AGBL1: variants seen among roughly 807,000 people sequenced by gnomAD.
AGBL1 encodes AGBL carboxypeptidase 1, also known as cytosolic carboxypeptidase 4.
Under a neutral mutation model 118.9 loss-of-function variants are expected in AGBL1, and 130 were observed. The ratio of observed to expected loss-of-function variants is 1.09; its 90% CI spans 0.95 to 1.26. AGBL1 has a LOEUF of 1.26. Among genes scored for constraint, AGBL1 ranks in the 50% most tolerant of loss-of-function variants. The pLI is 0.00. For missense variants in AGBL1, 1,584 were observed against 1,298.1 expected, an observed-to-expected ratio of 1.22 and a Z score of -3.38; for synonymous variants, 555 against 478.9, an observed-to-expected ratio of 1.16 and a Z score of -2.08.
intron 24 of AGBL1, among the ~76,000 whole-genome samples, chr15:87,020,802 G>GACTT (rs1336555602): frequency 1.3e-5 from 2 of 152,024 alleles, no homozygotes; most frequent in African/African-American, 4.8e-5. Context: ...GGATGTGCAG[G>GACTT]ACTTCTTTAA....
intron 24 of AGBL1, among the ~76,000 whole-genome samples, chr15:87,014,356 C>T (rs753044020): frequency 2.0e-5 from 3 of 152,170 alleles, no homozygotes; most frequent in Admixed American, 6.5e-5. Flanking sequence ...CAAGTAAGTA[C>T]AATTTTGCAT....
At chr15:86,632,156 T>C (rs2084981923) in intron 21 of AGBL1, among the ~76,000 whole-genome samples, 1 of 151,466 alleles carries the variant, frequency 6.6e-6, no homozygotes, top group Admixed American at 6.6e-5. Flanking sequence ...TAGTCCCAGC[T>C]ACTTGGAAGG....
chr15:86,758,966 CAA>C (rs80297816), intron 22 of AGBL1, among the ~76,000 whole-genome samples: 21,669 of 79,840 alleles, frequency 0.27, 1,085 homozygotes, highest in Non-Finnish European at 0.38. Flanking sequence ...GACACCCTGT[CAA>C]AAAAAAAAAA....
chr15:86,608,662 G>A (rs1292902498), intron 21 of AGBL1, among the ~76,000 whole-genome samples: 2 of 152,102 alleles, frequency 1.3e-5, no homozygotes, highest in Non-Finnish European at 1.5e-5. Context: ...TATCCAGGCA[G>A]GATGACGGCA....
chr15:86,887,951 C>T (rs924270706), intron 22 of AGBL1, among the ~76,000 whole-genome samples: 3 of 152,104 alleles, frequency 2.0e-5, no homozygotes, highest in African/African-American at 7.2e-5. Flanking sequence ...CTTCCATTTA[C>T]TCTAAACCCT....
At chr15:86,316,621 C>G (rs551149126) in intron 17 of AGBL1, 1 of 152,258 alleles carries the variant, frequency 6.6e-6, no homozygotes, top group Non-Finnish European at 1.5e-5. Flanking sequence ...CGAAATAATG[C>G]TCTTCCTGTC....
rs116280583 is a variant in AGBL1 at position 86,480,347 on chromosome 15, A to G, written c.2556-42463A>G. ...TGTATACTGTAAATGTACACAATTT[A>G]AAAAAAGTTTTACTAATTTTCAAAG... On this transcript the variant is annotated intron_variant, in intron 18 of 22. Transcript: ENST00000614907. 3.3e-3 allele frequency among the ~76,000 whole-genome samples: 498 copies of G among 152,228 alleles called. 3 individuals are homozygous for G. Among genetic ancestry groups the G allele is most frequent in the African/African-American group, 0.011 (477 of 41,550 alleles).
chr15:86,959,561 T>C (rs2080970812), intron 23 of AGBL1, among the ~76,000 whole-genome samples: 1 of 152,140 alleles, frequency 6.6e-6, no homozygotes, highest in Non-Finnish European at 1.5e-5. Flanking sequence ...CCCAAAGTCT[T>C]CTTTTTTTCT....
intron 22 of AGBL1, among the ~76,000 whole-genome samples, chr15:86,895,828 A>C (rs1002353761): frequency 5.9e-5 from 9 of 151,858 alleles, no homozygotes; most frequent in African/African-American, 1.9e-4. Context: ...TTATTTCTCA[A>C]GTTTTCTAAG....
chr15:86,774,194 C>A (rs992218924), intron 22 of AGBL1, among the ~76,000 whole-genome samples: 3 of 152,048 alleles, frequency 2.0e-5, no homozygotes, highest in African/African-American at 7.2e-5. Flanking sequence ...CTGTATTGTG[C>A]CCCTGTTTTT....
chr15:86,190,856 A>G (rs2077708139), intron 5 of AGBL1, among the ~76,000 whole-genome samples: 1 of 152,236 alleles, frequency 6.6e-6, no homozygotes, highest in Admixed American at 6.5e-5. Flanking sequence ...GATATAAGCA[A>G]GACGGCGTAC....
At chr15:86,892,984 C>T (rs1172368924) in intron 22 of AGBL1, among the ~76,000 whole-genome samples, 1 of 152,108 alleles carries the variant, frequency 6.6e-6, no homozygotes, top group East Asian at 1.9e-4. Flanking sequence ...ACAGCGTTCA[C>T]ACAGCTCTGC....
chr15:86,206,736 A>T (rs1218658823), intron 5 of AGBL1, among the ~76,000 whole-genome samples: 1 of 152,170 alleles, frequency 6.6e-6, no homozygotes, highest in Non-Finnish European at 1.5e-5. Flanking sequence ...GTAGATTGCA[A>T]AAATTTTCTC....
chr15:86,766,907 C>T (rs140420298), intron 22 of AGBL1, among the ~76,000 whole-genome samples: 78 of 151,866 alleles, frequency 5.1e-4, no homozygotes, highest in South Asian at 1.7e-3. Flanking sequence ...AACCTACAGA[C>T]GCCATTTCTA....
chr15:86,761,012 A>G lies in AGBL1; in HGVS notation c.3158+86576A>G, dbSNP rs185171153. On this transcript the variant is annotated intron_variant, in intron 22 of 22. Coordinates refer to ENST00000614907, the MANE Select transcript of AGBL1 (RefSeq NM_001386094.1). ...GACAGATCTGTTCAGCAATTCATAG[A>G]GGGAAACAGTATTCTAGCCTTGCCT... 3.3e-5 allele frequency among the ~76,000 whole-genome samples: 5 copies of G among 152,180 alleles called. No homozygotes were observed. The East Asian group carries it at 9.7e-4, about 30-fold the overall frequency.
At chr15:86,670,398 G>C (rs1329172671) in intron 21 of AGBL1, among the ~76,000 whole-genome samples, 1 of 152,060 alleles carries the variant, frequency 6.6e-6, no homozygotes, top group East Asian at 2.0e-4. Flanking sequence ...GAGGTCAGGA[G>C]TTTGAGACCA....
intron 22 of AGBL1, among the ~76,000 whole-genome samples, chr15:86,728,628 G>T (rs1190227216): frequency 6.6e-6 from 1 of 152,146 alleles, no homozygotes; most frequent in African/African-American, 2.4e-5. Flanking sequence ...ATCATGAATT[G>T]TTTTGCATTA....
In AGBL1 at chr15:86,256,933, A is replaced by G. The variant is rs1219602329; in HGVS notation, c.816A>G (p.Pro272=). ...TGAGGCAGTGCTACCCTACGAGTCC[A>G]CTTCCCTTGGTCACAGCCAGCAGTG... ...QILRQCYPTS[P]LPLVTASSAY... Residue 272 remains proline (P), a synonymous_variant, in exon 8 of 23, where the codon CCA becomes CCG. Transcript: ENST00000614907. 2 of 1,613,772 alleles carry G rather than the reference A, an allele frequency of 1.2e-6. No homozygotes were observed. Among genetic ancestry groups the G allele is most frequent in the African/African-American group, 1.3e-5 (1 of 74,884 alleles).
intron 18 of AGBL1, among the ~76,000 whole-genome samples, chr15:86,469,016 A>G (rs1365948391): frequency 6.6e-6 from 1 of 152,176 alleles, no homozygotes; most frequent in Non-Finnish European, 1.5e-5. Context: ...ATTCATTGTG[A>G]AATGGTTAAA....
Sources: gnomAD v4.1 joint callset for allele counts (sites outside exome capture counted in the v4.1 genomes callset) on GRCh38, gnomAD v4.1.1 for gene constraint, MANE v1.5 for transcripts, NCBI Gene and HGNC (gene_info 2026-07-23, HGNC 2026-07-21) for gene names.